STXBP5L: variants seen among roughly 807,000 people sequenced by gnomAD.
The protein encoded by STXBP5L is syntaxin-binding protein 5-like.
In STXBP5L, 65 loss-of-function variants were observed where a neutral mutation model predicts 144.5. The ratio of observed to expected loss-of-function variants is 0.45; its 90% CI spans 0.37 to 0.55. The LOEUF (loss-of-function observed/expected upper bound fraction) is 0.55. Ranked by LOEUF, STXBP5L falls within the 20% of genes least tolerant of loss-of-function variation. STXBP5L has a pLI of 0.00. For missense variants in STXBP5L, 1,298 were observed against 1,405.5 expected, an observed-to-expected ratio of 0.92 and a Z score of 1.22; for synonymous variants, 505 against 469.6, an observed-to-expected ratio of 1.08 and a Z score of -0.97.
chr3:121,199,797 G>A (rs943525175), intron 9 of STXBP5L, among the ~76,000 whole-genome samples: 2 of 151,948 alleles, frequency 1.3e-5, no homozygotes, highest in Non-Finnish European at 2.9e-5. Context: ...ATTGACTTGT[G>A]TATGTTGAGC....
intron 3 of STXBP5L, among the ~76,000 whole-genome samples, chr3:120,963,448 C>T (rs1286584459): frequency 7.9e-5 from 12 of 152,176 alleles, no homozygotes; most frequent in Admixed American, 5.9e-4. Context: ...TATGTGCCAT[C>T]AATACCTAGT....
At chr3:121,051,760 G>A (rs1948018411) in intron 5 of STXBP5L, among the ~76,000 whole-genome samples, 1 of 151,900 alleles carries the variant, frequency 6.6e-6, no homozygotes, top group Non-Finnish European at 1.5e-5. Context: ...AGGAAATAGA[G>A]ACACAAAAAA....
At chr3:120,958,312 C>A (rs1366922252) in intron 3 of STXBP5L, among the ~76,000 whole-genome samples, 1 of 152,068 alleles carries the variant, frequency 6.6e-6, no homozygotes, top group Non-Finnish European at 1.5e-5. Context: ...GATTCACAGC[C>A]GAATTCTACC....
chr3:121,274,765 G>T (rs1368893640), intron 18 of STXBP5L, among the ~76,000 whole-genome samples: 1 of 152,110 alleles, frequency 6.6e-6, no homozygotes, highest in Non-Finnish European at 1.5e-5. Context: ...TCATCTTTGG[G>T]GAATGCCATG....
chr3:121,169,126 G>A (rs1014794348), intron 9 of STXBP5L, among the ~76,000 whole-genome samples: 9 of 152,196 alleles, frequency 5.9e-5, no homozygotes, highest in Non-Finnish European at 1.0e-4. Flanking sequence ...ATCACTTACA[G>A]ACAAGCAAAT....
chr3:120,975,337 CTTTG>C (rs1050331664), intron 3 of STXBP5L, among the ~76,000 whole-genome samples: 17 of 152,184 alleles, frequency 1.1e-4, no homozygotes, highest in Admixed American at 7.2e-4. Flanking sequence ...TGATTTGGCT[CTTTG>C]TTTGTCTGTT....
intron 3 of STXBP5L, among the ~76,000 whole-genome samples, chr3:121,027,058 C>G (rs1178612996): frequency 2.6e-5 from 4 of 151,736 alleles, no homozygotes; most frequent in Non-Finnish European, 5.9e-5. Flanking sequence ...TTCTGATCCT[C>G]TTCAAAATGA....
At chr3:121,054,089 C>G (rs1346935719) in intron 5 of STXBP5L, among the ~76,000 whole-genome samples, 3 of 152,112 alleles carry the variant, frequency 2.0e-5, no homozygotes, top group Non-Finnish European at 4.4e-5. Context: ...AGTCAGGAAA[C>G]AACAGGTGCT....
chr3:120,939,624 A>AG (rs1251264865), intron 2 of STXBP5L, among the ~76,000 whole-genome samples: 4 of 152,212 alleles, frequency 2.6e-5, no homozygotes, highest in African/African-American at 7.2e-5. Context: ...ATCAGACGAA[A>AG]GCAACAGCAA....
At chr3:121,355,151 G>C (rs1487806658) in intron 20 of STXBP5L, among the ~76,000 whole-genome samples, 1 of 152,134 alleles carries the variant, frequency 6.6e-6, no homozygotes, top group Admixed American at 6.6e-5. Flanking sequence ...TGGTGAATCT[G>C]ACAATTATGT....
chr3:120,979,487 C>T (rs371988156), intron 3 of STXBP5L, among the ~76,000 whole-genome samples: 1 of 152,124 alleles, frequency 6.6e-6, no homozygotes, highest in African/African-American at 2.4e-5. Context: ...ACTCCCTGAC[C>T]CCTTGTGCTT....
chr3:121,083,536 G>A lies in STXBP5L; in HGVS notation c.471-31389G>A, dbSNP rs150132200. ...AAATTAGCCAGACGTGATGGCAGGC[G>A]TCTGTTATCCCAGTTACTCGGGAGG... On this transcript the variant is annotated intron_variant, in intron 5 of 26. Transcript: ENST00000471454. 5.1e-3 allele frequency among the ~76,000 whole-genome samples: 770 copies of A among 151,794 alleles called. 12 individuals carry two copies. Among genetic ancestry groups the A allele is most frequent in the African/African-American group, 0.017 (704 of 41,368 alleles).
intron 3 of STXBP5L, among the ~76,000 whole-genome samples, chr3:121,034,500 C>G (rs1385870527): frequency 2.0e-5 from 3 of 151,964 alleles, no homozygotes; most frequent in African/African-American, 7.2e-5. Context: ...TTATATATCT[C>G]TCTATATAGC....
At position 121,130,751 on chromosome 3, in the gene STXBP5L, T is replaced by G. The variant is rs113847710; in HGVS notation, c.669+9047T>G. On this transcript the variant is annotated intron_variant, in intron 7 of 26. Transcript: ENST00000471454. Reference sequence around the variant, plus strand: ...GAATAATGACACGATAATTTAAAATTCAGAAAAATTTTCTTCCACTTGAAA... The same window carrying G: ...GAATAATGACACGATAATTTAAAATGCAGAAAAATTTTCTTCCACTTGAAA... Among the ~76,000 whole-genome samples, 380 of 152,236 alleles carry G rather than the reference T, an allele frequency of 2.5e-3. 2 individuals are homozygous for G. Among genetic ancestry groups the G allele is most frequent in the African/African-American group, 8.6e-3 (357 of 41,560 alleles).
chr3:120,975,571 C>G (rs1940882769), intron 3 of STXBP5L, among the ~76,000 whole-genome samples: 1 of 152,074 alleles, frequency 6.6e-6, no homozygotes, highest in Non-Finnish European at 1.5e-5. Flanking sequence ...CCAGAACTTC[C>G]AACGCTATGT....
At chr3:121,126,881 C>T (rs1020000267) in intron 7 of STXBP5L, among the ~76,000 whole-genome samples, 3 of 152,124 alleles carry the variant, frequency 2.0e-5, no homozygotes, top group African/African-American at 7.2e-5. Context: ...GGCTTGCAGC[C>T]CCTTTGTCTA....
chr3:121,063,653 A>C (rs746901182), intron 5 of STXBP5L, among the ~76,000 whole-genome samples: 3 of 152,204 alleles, frequency 2.0e-5, no homozygotes, highest in Non-Finnish European at 2.9e-5. Flanking sequence ...TAAGCCCCAG[A>C]CTGGGGCTGC....
chr3:121,059,801 T>C (rs1278696352), intron 5 of STXBP5L, among the ~76,000 whole-genome samples: 2 of 152,228 alleles, frequency 1.3e-5, no homozygotes, highest in Non-Finnish European at 2.9e-5. Context: ...GGAATGCTTG[T>C]AATTTTTGCA....
intron 3 of STXBP5L, among the ~76,000 whole-genome samples, chr3:121,004,265 C>T: frequency 6.6e-6 from 1 of 151,624 alleles, no homozygotes; most frequent in Non-Finnish European, 1.5e-5. Flanking sequence ...AGGTCCTTCA[C>T]ATCCCTTGTA....
Sources: allele counts gnomAD v4.1 joint callset (sites outside exome capture counted in the v4.1 genomes callset), GRCh38; gene constraint gnomAD v4.1.1; transcripts MANE v1.5; gene names NCBI Gene and HGNC (gene_info 2026-07-23, HGNC 2026-07-21).